RAPGEF2: variants seen among roughly 807,000 people sequenced by gnomAD.
The protein encoded by RAPGEF2 is PDZ domain containing guanine nucleotide exchange factor (GEF) 1.
RAPGEF2 carries 54 observed loss-of-function variants against 186.7 expected under a neutral mutation model. That is an observed-to-expected ratio of 0.29 (90% CI 0.23 to 0.36). The LOEUF (loss-of-function observed/expected upper bound fraction) is 0.36. RAPGEF2 is among the 10% of genes least tolerant of loss of function. The probability of loss-of-function intolerance (pLI) is 1.00; values close to 1 mark genes in which losing one functional copy is unlikely to be tolerated. For missense variants in RAPGEF2, 1,532 were observed against 2,045.0 expected (o/e 0.75, Z 4.84); for synonymous variants, 712 against 705.9 (o/e 1.01, Z -0.14).
intron 7 of RAPGEF2, among the ~76,000 whole-genome samples, chr4:159,303,148 A>G (rs910215917): frequency 6.6e-6 from 1 of 152,170 alleles, no homozygotes; most frequent in African/African-American, 2.4e-5. Context: ...TTATTAAGGG[A>G]TATAAATACA....
intron 1 of RAPGEF2, among the ~76,000 whole-genome samples, chr4:159,119,543 A>C (rs934763765): frequency 1.1e-4 from 17 of 152,214 alleles, no homozygotes; most frequent in African/African-American, 3.9e-4. Flanking sequence ...GATTGTAATA[A>C]GCTTATGCAG....
rs544736710 is a variant in RAPGEF2 at position 159,345,675 on chromosome 4, G to A, written c.3502+346G>A. 4.6e-5 allele frequency among the ~76,000 whole-genome samples: 7 copies of A among 152,204 alleles called. No individual in the cohort carries two copies. In the South Asian group the frequency reaches 1.5e-3, roughly 32 times the overall value. ...ACGTTCTCACAAAGCTACCCCCAAA[G>A]TATGGGCAACCTGAGGGGAGTCAGG... On this transcript the variant is annotated intron_variant, in intron 24 of 29. Transcript: ENST00000691494.
chr4:159,330,333 G>C lies in RAPGEF2; in HGVS notation c.1303-1G>C. On this transcript the variant is annotated splice_acceptor_variant, in intron 12 of 29. Transcript: ENST00000691494. LOFTEE classifies it high-confidence loss of function. ...GTAATTAAACCTTTTCTTTGTTACA[G>C]GGTACCTCAGAAAGGTTAACAATGC... 1 of 1,496,772 alleles carries C rather than the reference G, an allele frequency of 6.7e-7. No homozygotes were observed. The highest frequency in any genetic ancestry group is 9.0e-7 in the Non-Finnish European group (1 of 1,110,498). The allele number at this position is 1,496,772 out of a possible 1,614,324, so 92.7% of individuals were successfully genotyped here.
intron 1 of RAPGEF2, among the ~76,000 whole-genome samples, chr4:159,183,058 G>C (rs1394089452): frequency 6.6e-6 from 1 of 152,010 alleles, no homozygotes; most frequent in Non-Finnish European, 1.5e-5. Flanking sequence ...TGCATATACC[G>C]ACAAGCTAAT....
chr4:159,192,621 T>C (rs1385983921), intron 2 of RAPGEF2, among the ~76,000 whole-genome samples: 1 of 152,260 alleles, frequency 6.6e-6, no homozygotes, highest in Non-Finnish European at 1.5e-5. Context: ...ATGTTTTTCA[T>C]AATTTTTATA....
At chr4:159,266,640 G>A (rs1757466808) in intron 7 of RAPGEF2, among the ~76,000 whole-genome samples, 1 of 152,116 alleles carries the variant, frequency 6.6e-6, no homozygotes. Flanking sequence ...GTGCATCTGT[G>A]TGTGTGTATG....
chr4:159,290,754 C>CAAA (rs571399743), intron 7 of RAPGEF2, among the ~76,000 whole-genome samples: 167 of 127,170 alleles, frequency 1.3e-3, no homozygotes, highest in African/African-American at 4.3e-3. Context: ...CTAAGGTTTA[C>CAAA]AAAAAAAAAA....
intron 3 of RAPGEF2, among the ~76,000 whole-genome samples, chr4:159,199,696 G>A (rs925398543): frequency 3.9e-4 from 59 of 152,292 alleles, no homozygotes; most frequent in African/African-American, 1.4e-3. Flanking sequence ...GATGTGAGGG[G>A]TAGTGGTGCT....
chr4:159,185,861 A>G (rs1247911802), intron 1 of RAPGEF2, among the ~76,000 whole-genome samples: 1 of 152,158 alleles, frequency 6.6e-6, no homozygotes, highest in African/African-American at 2.4e-5. Flanking sequence ...TTATTTTACA[A>G]ATTTCTTAAA....
chr4:159,339,906 T>A (rs144907945), intron 19 of RAPGEF2, among the ~76,000 whole-genome samples: 1 of 152,242 alleles, frequency 6.6e-6, no homozygotes, highest in Non-Finnish European at 1.5e-5. Flanking sequence ...AACCAGACTT[T>A]ACTTGCTACA....
chr4:159,270,008 A>G (rs374368338), intron 7 of RAPGEF2, among the ~76,000 whole-genome samples: 4 of 152,202 alleles, frequency 2.6e-5, no homozygotes, highest in African/African-American at 9.6e-5. Flanking sequence ...ACAAGTGCCT[A>G]TATTTTGCTA....
At chr4:159,189,165 A>G (rs959191484) in intron 2 of RAPGEF2, among the ~76,000 whole-genome samples, 1 of 152,214 alleles carries the variant, frequency 6.6e-6, no homozygotes, top group Non-Finnish European at 1.5e-5. Flanking sequence ...CAGTTTTACA[A>G]TTTTAGGAAA....
In RAPGEF2 at chr4:159,346,993, C is replaced by T; in HGVS notation, c.3707C>T (p.Pro1236Leu). ...RKKVPVKDLPPFGINSPQALK... is the reference protein window; with the variant it reads ...RKKVPVKDLPLFGINSPQALK... ...AAAGTGCCCGTAAAGGATCTCCCAC[C>T]TTTTGGTAAGTGATTACATTCATTT... The change falls in exon 25 of 30, where the codon CCT becomes CTT. Residue 1236 changes from proline (P) to leucine (L), a missense_variant. Transcript: ENST00000691494. 1 of 1,612,074 alleles carries T rather than the reference C, an allele frequency of 6.2e-7. No homozygotes were observed. Among genetic ancestry groups the T allele is most frequent in the Non-Finnish European group, 8.5e-7 (1 of 1,178,300 alleles).
At chr4:159,348,248 ATGGATG>A (rs1580050811) in intron 25 of RAPGEF2, among the ~76,000 whole-genome samples, 454 of 65,208 alleles carry the variant, frequency 7.0e-3, no homozygotes, top group Non-Finnish European at 0.01. Context: ...AGATAGATGG[ATGGATG>A]GATGGATGGA....
chr4:159,172,266 G>C (rs981623049), intron 1 of RAPGEF2, among the ~76,000 whole-genome samples: 1 of 152,102 alleles, frequency 6.6e-6, no homozygotes, highest in Non-Finnish European at 1.5e-5. Flanking sequence ...GTAGTTCTCG[G>C]ATGCAGTAGC....
At chr4:159,329,285 A>G (rs1238756285) in intron 11 of RAPGEF2, 3 of 152,192 alleles carry the variant, frequency 2.0e-5, no homozygotes, top group Non-Finnish European at 4.4e-5. Context: ...ATTACCCTTA[A>G]TACCAGTTAT....
In RAPGEF2 at chr4:159,358,235, C is replaced by A; in HGVS notation, c.*96C>A. 7.5e-7 allele frequency: 1 copy of A among 1,326,350 alleles called. No individual in the cohort carries two copies. 82.2% of individuals were successfully genotyped at this position (1,326,350 alleles called of 1,614,324 possible). A position where few individuals can be genotyped will look rare whatever the true frequency, so the allele number is the denominator to read the frequency against. On this transcript the variant is annotated 3_prime_UTR_variant, in exon 30 of 30. Coordinates refer to ENST00000691494, the MANE Select transcript of RAPGEF2 (RefSeq NM_001394067.2). ...AGCCTTGGAACTCACATTCTGAGGA[C>A]GGTGGACCAGTTTGCCTCCTTCCCT... is the stretch of plus-strand genomic sequence containing the variant.
At position 159,332,542 on chromosome 4, in the gene RAPGEF2, C is replaced by T; in HGVS notation, c.1980C>T (p.Arg660=). The part of the protein sequence containing the change: ...PKIGDIKKAS[R]YSIPDLAVDV... ...TTGGTGACATTAAAAAGGCCAGTCGCTACTCCATTCCAGATCTTGCTGTAG... is the reference window on the plus strand; with the variant it reads ...TTGGTGACATTAAAAAGGCCAGTCGTTACTCCATTCCAGATCTTGCTGTAG... The change falls in exon 17 of 30, where the codon CGC becomes CGT. Residue 660 remains arginine (R), a synonymous_variant. Coordinates refer to ENST00000691494, the MANE Select transcript of RAPGEF2 (RefSeq NM_001394067.2). 6.2e-7 allele frequency: 1 copy of T among 1,614,136 alleles called. No homozygotes were observed. Among genetic ancestry groups the T allele is most frequent in the Admixed American group, 1.7e-5 (1 of 60,022 alleles).
At chr4:159,339,485 G>GT (rs910703156) in intron 19 of RAPGEF2, 131 bp downstream of exon 19, 29,028 of 1,017,012 alleles carry the variant, frequency 0.029, no homozygotes, top group South Asian at 0.036. Context: ...TATTGTTGTT[G>GT]TTTTTTTTTT....
Sources: allele counts gnomAD v4.1 joint callset (sites outside exome capture counted in the v4.1 genomes callset), GRCh38; gene constraint gnomAD v4.1.1; transcripts MANE v1.5; gene names NCBI Gene and HGNC (gene_info 2026-07-23, HGNC 2026-07-21).